Variants in AZIN1 observed in about 807,000 individuals in gnomAD.
AZIN1 encodes the protein ornithine decarboxylase antizyme inhibitor.
Under a neutral mutation model 47.4 loss-of-function variants are expected in AZIN1, and 12 were observed. That is an observed-to-expected ratio of 0.25 (90% CI 0.16 to 0.41). The LOEUF (loss-of-function observed/expected upper bound fraction) is 0.41. AZIN1 is among the 10% of genes least tolerant of loss of function. AZIN1 has a pLI of 1.00. For synonymous variants in AZIN1, 155 were observed against 176.3 expected (o/e 0.88, Z 0.96); for missense variants, 410 against 532.4 (o/e 0.77, Z 2.26).
At position 102,829,904 on chromosome 8, in the gene AZIN1, T is replaced by G. The variant is rs1278788634; in HGVS notation, c.937A>C (p.Met313Leu). 2 of 1,611,976 alleles carry G rather than the reference T, an allele frequency of 1.2e-6. No homozygotes were observed. Among genetic ancestry groups the G allele is most frequent in the Admixed American group, 1.7e-5 (1 of 59,706 alleles). Residue 313 changes from methionine to leucine, a missense_variant, in exon 10 of 12, where the codon ATG becomes CTG. Transcript: ENST00000337198. The part of the protein sequence containing the change: ...EKTGSDEPAF[M>L]YYMNDGVYGS... ...TAAACACCATCATTCATATAATACA[T>G]GAAGGCTGGTTCATCACTTCCGGTT...
At position 102,838,980 on chromosome 8, in the gene AZIN1, T is replaced by G. The variant is rs896627367; in HGVS notation, c.277-64A>C. ...CAGTTCATATTCTGGTAATGCTTCC[T>G]CTAATACTATTACCCCCACCCCTTT... is the stretch of plus-strand genomic sequence containing the variant. On this transcript the variant is annotated intron_variant, in intron 4 of 11. Coordinates refer to ENST00000337198, the MANE Select transcript of AZIN1 (RefSeq NM_148174.4). The G allele has an allele frequency of 1.6e-5, 23 of 1,406,518 alleles. No individual in the cohort carries two copies. The African/African-American group carries it at 3.0e-4, about 18-fold the overall frequency. 87.1% of individuals were successfully genotyped at this position (1,406,518 alleles called of 1,614,324 possible).
chr8:102,843,025 T>G (rs543672793), intron 3 of AZIN1, among the ~76,000 whole-genome samples: 22 of 152,098 alleles, frequency 1.4e-4, no homozygotes, highest in Non-Finnish European at 3.1e-4. Flanking sequence ...AAGACCAGCA[T>G]GGCGAAACCT....
chr8:102,836,961 G>A (rs1270299406), intron 5 of AZIN1, among the ~76,000 whole-genome samples: 1 of 151,982 alleles, frequency 6.6e-6, no homozygotes, highest in African/African-American at 2.4e-5. Flanking sequence ...CTGGAGTGCA[G>A]TGGCGCAATT....
intron 1 of AZIN1, among the ~76,000 whole-genome samples, chr8:102,861,689 A>AT (rs2131294324): frequency 6.6e-6 from 1 of 152,242 alleles, no homozygotes; most frequent in East Asian, 1.9e-4. Context: ...TGCATACTGT[A>AT]TGATTCCATT....
rs771244524 is a variant in AZIN1 at position 102,843,585 on chromosome 8, T to A, written c.68A>T (p.Asn23Ile). 1 of 1,613,972 alleles carries A rather than the reference T, an allele frequency of 6.2e-7. No individual in the cohort carries two copies. Among genetic ancestry groups the A allele is most frequent in the Non-Finnish European group, 8.5e-7 (1 of 1,179,968 alleles). ...TTCATAAACATAGTTATCAATAACA[T>A]TTCCAAGGTTTGTTCCTTCATCCAA... ...GLLDEGTNLGNVIDNYVYEHT... is the reference protein window; with the variant it reads ...GLLDEGTNLGIVIDNYVYEHT... Residue 23 changes from asparagine (N) to isoleucine (I), a missense_variant, in exon 3 of 12, where the codon AAT (asparagine) becomes ATT (isoleucine). By Grantham distance (149) the Asn-to-Ile change is moderately radical. Coordinates refer to ENST00000337198, the MANE Select transcript of AZIN1 (RefSeq NM_148174.4).
Position 102,843,621 on chromosome 8 carries a change from G to C in AZIN1, c.32C>G (p.Ser11Cys). 6.2e-7 allele frequency: 1 copy of C among 1,614,000 alleles called. No individual in the cohort carries two copies. Among genetic ancestry groups the C allele is most frequent in the Non-Finnish European group, 8.5e-7 (1 of 1,179,948 alleles). MKGFIDDANY[S>C]VGLLDEGTNL... ...TGTTCCTTCATCCAACAGGCCAACGGAGTAGTTTGCATCATCAATAAATCC... is the reference window on the plus strand; with the variant it reads ...TGTTCCTTCATCCAACAGGCCAACGCAGTAGTTTGCATCATCAATAAATCC... The change falls in exon 3 of 12, where the codon TCC (serine) becomes TGC (cysteine). Residue 11 changes from serine (S) to cysteine (C), a missense_variant. Ser to Cys is a moderately radical substitution (Grantham distance 112). Around this residue, in one of 3 missense-constraint regions of AZIN1, gnomAD observed 237 missense variants for 309.4 expected, o/e 0.77. Transcript: ENST00000337198.
intron 2 of AZIN1, among the ~76,000 whole-genome samples, chr8:102,844,951 C>G (rs1812471333): frequency 6.6e-6 from 1 of 152,140 alleles, no homozygotes; most frequent in African/African-American, 2.4e-5. Flanking sequence ...CTTCACTGGT[C>G]CTTAGGTTAC....
Position 102,839,680 on chromosome 8 carries a change from A to G in AZIN1, c.246T>C (p.Ala82=). 2 of 1,579,366 alleles carry G rather than the reference A, an allele frequency of 1.3e-6. No individual in the cohort carries two copies. The highest frequency in any genetic ancestry group is 1.7e-6 in the Non-Finnish European group (2 of 1,162,986). The change falls in exon 4 of 12, where the codon GCT becomes GCC. Residue 82 remains alanine (A), a synonymous_variant. Coordinates refer to ENST00000337198, the MANE Select transcript of AZIN1 (RefSeq NM_148174.4). The stretch of plus-strand genomic sequence containing the variant: ...TGGAACAAGCAAATCCGGTTCCAAG[A>G]GCTGCCAAAATCTCAAGTACAGCTG... ...SAPAVLEILA[A]LGTGFACSSK... is the part of the protein sequence containing the mutation.
intron 10 of AZIN1, 118 bp downstream of exon 10, chr8:102,829,703 C>G: frequency 1.1e-6 from 1 of 902,634 alleles, no homozygotes. Context: ...CGCAAATCCT[C>G]AAAAAGGACA....
At chr8:102,839,101 C>G (rs1331846290) in intron 4 of AZIN1, among the ~76,000 whole-genome samples, 185 bp from the exon 5 acceptor site, 1 of 152,210 alleles carries the variant, frequency 6.6e-6, no homozygotes, top group African/African-American at 2.4e-5. Context: ...CTCAAGTGAT[C>G]CTCCTGCCTC....
intron 10 of AZIN1, 28 bp downstream of exon 10, chr8:102,829,787 CCAAATA>C (rs1811318722): frequency 6.8e-7 from 1 of 1,478,008 alleles, no homozygotes; most frequent in African/African-American, 1.4e-5. Flanking sequence ...TTATAAAATG[CCAAATA>C]GGTTTTGATA....
intron 5 of AZIN1, among the ~76,000 whole-genome samples, chr8:102,837,147 T>G (rs1811874596): frequency 1.3e-5 from 2 of 152,202 alleles, no homozygotes; most frequent in Non-Finnish European, 2.9e-5. Context: ...CTCAAACTCC[T>G]GACTTCAAGT....
At position 102,826,811 on chromosome 8, in the gene AZIN1, C is replaced by T. The variant is rs1324668667; in HGVS notation, c.*1756G>A. 1 of 152,488 alleles carries T rather than the reference C, an allele frequency of 6.6e-6. No homozygotes were observed. The highest frequency in any genetic ancestry group is 1.5e-5 in the Non-Finnish European group (1 of 68,030). 9.4% of individuals were successfully genotyped at this position (152,488 alleles called of 1,614,324 possible). A position where few individuals can be genotyped will look rare whatever the true frequency, so the allele number is the denominator to read the frequency against. Reference sequence around the variant, plus strand: ...GTAAAGAAGGTAGGAAACAGTTCCCCCTCCTTGTTAAATGGTTAAAAAAAG... The same window carrying T: ...GTAAAGAAGGTAGGAAACAGTTCCCTCTCCTTGTTAAATGGTTAAAAAAAG... On this transcript the variant is annotated 3_prime_UTR_variant, in exon 12 of 12. Transcript: ENST00000337198.
At chr8:102,847,032 T>C (rs1812608800) in intron 2 of AZIN1, among the ~76,000 whole-genome samples, 1 of 151,904 alleles carries the variant, frequency 6.6e-6, no homozygotes, top group African/African-American at 2.4e-5. Flanking sequence ...GTTTGTGGAG[T>C]TGACTATTCA....
At chr8:102,840,015 TTTC>T (rs1021931843) in intron 3 of AZIN1, among the ~76,000 whole-genome samples, 192 bp from the exon 4 acceptor site, 1 of 152,178 alleles carries the variant, frequency 6.6e-6, no homozygotes, top group South Asian at 2.1e-4. Context: ...ACATTTGTTC[TTTC>T]TTCTTATATT....
rs931628479 is a variant in AZIN1 at position 102,838,895 on chromosome 8, C to G, written c.298G>C (p.Glu100Gln). 2 of 1,612,002 alleles carry G rather than the reference C, an allele frequency of 1.2e-6. No individual in the cohort carries two copies. Among genetic ancestry groups the G allele is most frequent in the Non-Finnish European group, 1.7e-6 (2 of 1,179,216 alleles). ...SSKNEMALVQELGVPPENIIY... is the reference protein window; with the variant it reads ...SSKNEMALVQQLGVPPENIIY... ...ATGTTTTCTGGAGGTACACCCAACT[C>G]TTGCACTAAAGCCATTTCATTCTGT... Residue 100 changes from glutamate to glutamine, a missense_variant, in exon 5 of 12, where the codon GAG (glutamate) becomes CAG (glutamine). This residue lies in a region of AZIN1 where 237 missense variants were observed against 309.4 expected (regional missense o/e 0.77). Coordinates refer to ENST00000337198, the MANE Select transcript of AZIN1 (RefSeq NM_148174.4).
intron 3 of AZIN1, 32 bp from the exon 4 acceptor site, chr8:102,839,855 G>A (rs199749598): frequency 6.7e-6 from 10 of 1,496,200 alleles, no homozygotes; most frequent in Admixed American, 2.1e-5. Context: ...AGACAAATAT[G>A]AACAAAAAAC....
At chr8:102,840,247 G>A (rs1419734722) in intron 3 of AZIN1, among the ~76,000 whole-genome samples, 1 of 152,184 alleles carries the variant, frequency 6.6e-6, no homozygotes, top group Non-Finnish European at 1.5e-5. Context: ...AGTAGAATCA[G>A]AAATGCTAAA....
intron 2 of AZIN1, among the ~76,000 whole-genome samples, chr8:102,844,654 A>G (rs1238542510): frequency 6.6e-6 from 1 of 152,086 alleles, no homozygotes; most frequent in African/African-American, 2.4e-5. Flanking sequence ...AAAAAATCAT[A>G]GAGCATATAA....
Sources: gnomAD v4.1 joint callset for allele counts (sites outside exome capture counted in the v4.1 genomes callset) on GRCh38, gnomAD v4.1.1 for gene constraint, gnomAD v4.1.1 regional missense constraint, MANE v1.5 for transcripts, NCBI Gene and HGNC (gene_info 2026-07-23, HGNC 2026-07-21) for gene names.